The following CCDC91 variants were observed in gnomAD, a reference collection of about 807,000 sequenced individuals.
The protein encoded by CCDC91 is coiled-coil domain-containing protein 91.
In CCDC91, 48 loss-of-function variants were observed where a neutral mutation model predicts 63.2. The observed-to-expected ratio is 0.76, with a 90% CI of 0.60 to 0.97. CCDC91 has a LOEUF of 0.97. Among genes scored for constraint, CCDC91 ranks in the 50% least tolerant of loss-of-function variants. CCDC91 has a pLI of 0.00. For synonymous variants in CCDC91, 167 were observed against 165.8 expected (o/e 1.01, Z -0.06); for missense variants, 500 against 494.6 (o/e 1.01, Z -0.10).
chr12:28,313,772 G>A (rs1354151144), intron 6 of CCDC91, among the ~76,000 whole-genome samples: 1 of 152,004 alleles, frequency 6.6e-6, no homozygotes, highest in Non-Finnish European at 1.5e-5. Context: ...CTAACCAGAG[G>A]AAGAAAAGTG....
At chr12:28,476,732 TAAA>T (rs1419283065) in intron 11 of CCDC91, among the ~76,000 whole-genome samples, 3 of 151,172 alleles carry the variant, frequency 2.0e-5, no homozygotes, top group African/African-American at 7.3e-5. Flanking sequence ...GCAAGACTAA[TAAA>T]GAAGAAAAGA....
chr12:28,351,487 G>T (rs1182715801), intron 6 of CCDC91, among the ~76,000 whole-genome samples: 1 of 152,126 alleles, frequency 6.6e-6, no homozygotes, highest in Non-Finnish European at 1.5e-5. Flanking sequence ...TTTGATTATT[G>T]TCTGGGCCTG....
chr12:28,252,796 C>A (rs943279801), intron 1 of CCDC91, among the ~76,000 whole-genome samples: 1 of 151,824 alleles, frequency 6.6e-6, no homozygotes, highest in African/African-American at 2.4e-5. Flanking sequence ...TCTCTTTGGT[C>A]GTCCTTGATA....
intron 11 of CCDC91, among the ~76,000 whole-genome samples, chr12:28,473,410 A>G (rs1475812467): frequency 1.3e-5 from 2 of 152,200 alleles, no homozygotes; most frequent in Non-Finnish European, 2.9e-5. Context: ...TATTTTCTTC[A>G]AAACACTTCC....
chr12:28,197,129 A>G (rs1419469170), intron 1 of CCDC91, among the ~76,000 whole-genome samples: 1 of 151,974 alleles, frequency 6.6e-6, no homozygotes, highest in Admixed American at 6.5e-5. Flanking sequence ...TCAGGTTCTT[A>G]TATCCACTGC....
At position 28,299,815 on chromosome 12, in the gene CCDC91, C is replaced by T. The variant is rs561093647; in HGVS notation, c.110-5834C>T. On this transcript the variant is annotated intron_variant, in intron 3 of 12. Coordinates refer to ENST00000536442, the MANE Select transcript of CCDC91 (RefSeq NM_018318.5). ...TGGTAAATCGTTCACATCTTTTGCT[C>T]ATTGTATGGATATTTTTTATTCCCT... Among the ~76,000 whole-genome samples the T allele has an allele frequency of 2.6e-5, 4 of 151,516 alleles. 1 individual carries two copies. Among genetic ancestry groups the T allele is most frequent in the African/African-American group, 4.8e-5 (2 of 41,482 alleles).
At chr12:28,323,543 A>G (rs61920562) in intron 6 of CCDC91, among the ~76,000 whole-genome samples, 1,651 of 151,990 alleles carry the variant, frequency 0.011, 13 homozygotes, top group Non-Finnish European at 0.019. Flanking sequence ...TTGCACATTT[A>G]GAGATTTGAT....
chr12:28,294,254 A>C (rs529506131), intron 3 of CCDC91, among the ~76,000 whole-genome samples: 1 of 152,268 alleles, frequency 6.6e-6, no homozygotes, highest in Non-Finnish European at 1.5e-5. Flanking sequence ...TTCACTTAAC[A>C]GAAATTTGAG....
intron 12 of CCDC91, among the ~76,000 whole-genome samples, chr12:28,498,160 C>T (rs116859222): frequency 1.9e-3 from 284 of 151,740 alleles, no homozygotes; most frequent in Middle Eastern, 6.8e-3. Flanking sequence ...TCTTTCACTT[C>T]CTCCACCAGT....
intron 12 of CCDC91, among the ~76,000 whole-genome samples, chr12:28,526,341 T>A (rs1312600829): frequency 6.6e-6 from 1 of 152,152 alleles, no homozygotes; most frequent in Non-Finnish European, 1.5e-5. Context: ...TGAAAAAGAC[T>A]GTATCTTTCC....
At chr12:28,391,275 A>T in intron 7 of CCDC91, 29 bp from the exon 8 acceptor site, 1 of 1,400,020 alleles carries the variant, frequency 7.1e-7, no homozygotes, top group Middle Eastern at 1.8e-4. Context: ...TTTGTCTGTG[A>T]TCCAAATGAC....
chr12:28,497,878 T>G (rs567654060), intron 12 of CCDC91, among the ~76,000 whole-genome samples: 1 of 151,786 alleles, frequency 6.6e-6, no homozygotes, highest in East Asian at 1.9e-4. Flanking sequence ...TAAGCTTTAG[T>G]GTGACTATAA....
intron 6 of CCDC91, among the ~76,000 whole-genome samples, chr12:28,321,123 T>C (rs1043227863): frequency 4.6e-5 from 7 of 151,912 alleles, no homozygotes; most frequent in African/African-American, 1.7e-4. Flanking sequence ...TGAGCATTTT[T>C]TTTGCTTGGT....
intron 1 of CCDC91, among the ~76,000 whole-genome samples, chr12:28,219,692 C>T (rs1943807658): frequency 6.6e-6 from 1 of 152,012 alleles, no homozygotes; most frequent in Non-Finnish European, 1.5e-5. Flanking sequence ...CCAGGATGGT[C>T]TTCATCTCCT....
At chr12:28,224,768 G>A (rs1944166157) in intron 1 of CCDC91, among the ~76,000 whole-genome samples, 1 of 152,160 alleles carries the variant, frequency 6.6e-6, no homozygotes, top group African/African-American at 2.4e-5. Context: ...GAAAGTTTTT[G>A]TGAAAGTGAA....
chr12:28,200,221 T>G (rs910578592), intron 1 of CCDC91, among the ~76,000 whole-genome samples: 3 of 150,474 alleles, frequency 2.0e-5, no homozygotes, highest in African/African-American at 7.3e-5. Flanking sequence ...AAATGTGCAG[T>G]TGAACTCTTC....
intron 6 of CCDC91, among the ~76,000 whole-genome samples, chr12:28,334,022 C>T (rs1287205498): frequency 4.6e-5 from 7 of 151,572 alleles, no homozygotes; most frequent in South Asian, 2.1e-4. Context: ...GGAATTGAAA[C>T]GACTTCTGGC....
chr12:28,504,596 G>T (rs1344282929), intron 12 of CCDC91, among the ~76,000 whole-genome samples: 1 of 151,786 alleles, frequency 6.6e-6, no homozygotes, highest in Non-Finnish European at 1.5e-5. Context: ...AACTCTTGCT[G>T]TCACCACTGT....
Position 28,285,909 on chromosome 12 carries a change from A to G in CCDC91, c.110-19740A>G, listed in dbSNP as rs372643916. ...TACTTCGTAAAGCAATTCGCAAATC[A>G]TTATAATTATTTATCATAAAACTTT... On this transcript the variant is annotated intron_variant, in intron 3 of 12. Transcript: ENST00000536442. Among the ~76,000 whole-genome samples the G allele has an allele frequency of 3.2e-4, 49 of 152,140 alleles. 1 individual carries two copies. In the South Asian group the frequency reaches 8.9e-3, roughly 28 times the overall value.
Sources: allele counts gnomAD v4.1 joint callset (sites outside exome capture counted in the v4.1 genomes callset), GRCh38; gene constraint gnomAD v4.1.1; transcripts MANE v1.5; gene names NCBI Gene and HGNC (gene_info 2026-07-23, HGNC 2026-07-21).